Variants in FBXL17 observed in about 807,000 individuals in gnomAD.
FBXL17 encodes F-box/LRR-repeat protein 17.
In FBXL17, 22 loss-of-function variants were observed where a neutral mutation model predicts 66.2. That is an observed-to-expected ratio of 0.33 (90% CI 0.24 to 0.47). FBXL17 has a LOEUF of 0.47. Among genes scored for constraint, FBXL17 ranks in the 20% least tolerant of loss-of-function variants. The pLI, the probability that FBXL17 is intolerant of heterozygous loss-of-function variation, is 1.00. For missense variants in FBXL17, 878 were observed against 948.2 expected, an observed-to-expected ratio of 0.93 and a Z score of 0.97; for synonymous variants, 474 against 400.5, an observed-to-expected ratio of 1.18 and a Z score of -2.19.
chr5:108,337,537 A>G (rs2150250522), intron 4 of FBXL17, among the ~76,000 whole-genome samples: 1 of 152,242 alleles, frequency 6.6e-6, no homozygotes, highest in Non-Finnish European at 1.5e-5. Context: ...TTATCAATGG[A>G]TTAGTAAGAA....
intron 7 of FBXL17, among the ~76,000 whole-genome samples, chr5:108,002,467 C>A (rs936244737): frequency 6.6e-6 from 1 of 152,148 alleles, no homozygotes; most frequent in South Asian, 2.1e-4. Flanking sequence ...AAATACATAA[C>A]CGACTTAGTA....
At chr5:108,279,316 C>T (rs1757611419) in intron 4 of FBXL17, among the ~76,000 whole-genome samples, 1 of 152,094 alleles carries the variant, frequency 6.6e-6, no homozygotes, top group Non-Finnish European at 1.5e-5. Flanking sequence ...CTTAGTCCAC[C>T]ACCATCACCA....
At chr5:108,199,460 A>G (rs1027970104) in intron 5 of FBXL17, among the ~76,000 whole-genome samples, 2 of 152,162 alleles carry the variant, frequency 1.3e-5, no homozygotes, top group Non-Finnish European at 2.9e-5. Flanking sequence ...ATGTGTGAAA[A>G]TGATCTTTCT....
intron 8 of FBXL17, among the ~76,000 whole-genome samples, chr5:107,871,078 A>AAC (rs887425470): frequency 3.4e-5 from 5 of 146,896 alleles, no homozygotes; most frequent in Non-Finnish European, 6.0e-5. Flanking sequence ...AAAAAAAAAA[A>AAC]ACCTCATCTA....
At chr5:108,373,597 T>C (rs1055052853) in intron 1 of FBXL17, among the ~76,000 whole-genome samples, 1 of 151,984 alleles carries the variant, frequency 6.6e-6, no homozygotes, top group Non-Finnish European at 1.5e-5. Context: ...TAAATGTAAA[T>C]GGGCTAAACT....
chr5:108,188,016 G>A (rs940075498), intron 5 of FBXL17, among the ~76,000 whole-genome samples: 1 of 152,164 alleles, frequency 6.6e-6, no homozygotes, highest in African/African-American at 2.4e-5. Context: ...TGTGACAGGG[G>A]ACCTGAACTT....
At position 108,324,366 on chromosome 5, in the gene FBXL17, C is replaced by A. The variant is rs74471490; in HGVS notation, c.1506+24033G>T. ...ATCATTAGGGAGATGCAAATCAAAACAAAGAAATATAACCTCACATCCATT... is the reference window on the plus strand; with the variant it reads ...ATCATTAGGGAGATGCAAATCAAAAAAAAGAAATATAACCTCACATCCATT... On this transcript the variant is annotated intron_variant, in intron 4 of 8. Transcript: ENST00000542267. 6.1e-3 allele frequency among the ~76,000 whole-genome samples: 925 copies of A among 151,968 alleles called. 2 individuals carry two copies. The highest frequency in any genetic ancestry group is 9.9e-3 in the Non-Finnish European group (675 of 67,892).
chr5:108,352,415 C>G (rs1044369625), intron 3 of FBXL17, among the ~76,000 whole-genome samples: 15 of 152,214 alleles, frequency 9.9e-5, no homozygotes, highest in African/African-American at 3.1e-4. Flanking sequence ...AGGGCATCAA[C>G]CAAATCTTAC....
chr5:107,868,433 G>C (rs1014231129), intron 8 of FBXL17, among the ~76,000 whole-genome samples: 2 of 152,234 alleles, frequency 1.3e-5, no homozygotes, highest in African/African-American at 4.8e-5. Flanking sequence ...CTGTTGTGGA[G>C]CTGTGGGTTG....
intron 6 of FBXL17, among the ~76,000 whole-genome samples, chr5:108,056,736 T>C (rs1747723565): frequency 1.3e-5 from 2 of 152,178 alleles, no homozygotes; most frequent in Non-Finnish European, 2.9e-5. Flanking sequence ...GGAATAAAAA[T>C]AGACACCTAG....
At chr5:108,252,312 AGTGT>A (rs1756392235) in intron 4 of FBXL17, among the ~76,000 whole-genome samples, 1 of 152,098 alleles carries the variant, frequency 6.6e-6, no homozygotes, top group Non-Finnish European at 1.5e-5. Context: ...AACTGGCTTA[AGTGT>A]ATTCAGAGCA....
At chr5:108,240,965 C>T (rs955451042) in intron 4 of FBXL17, among the ~76,000 whole-genome samples, 3 of 152,300 alleles carry the variant, frequency 2.0e-5, no homozygotes, top group Admixed American at 2.0e-4. Flanking sequence ...TTATCCAAGA[C>T]CACCAAGCCG....
chr5:108,168,933 T>C (rs1752507958), intron 6 of FBXL17, among the ~76,000 whole-genome samples: 1 of 151,854 alleles, frequency 6.6e-6, no homozygotes, highest in Non-Finnish European at 1.5e-5. Flanking sequence ...GAATCAGGAG[T>C]AAAATATATG....
At chr5:107,956,424 T>C (rs1320053861) in intron 7 of FBXL17, among the ~76,000 whole-genome samples, 1 of 152,162 alleles carries the variant, frequency 6.6e-6, no homozygotes, top group South Asian at 2.1e-4. Context: ...GCTGGTAACA[T>C]GGAGCTTGCT....
intron 6 of FBXL17, among the ~76,000 whole-genome samples, chr5:108,126,191 T>C (rs919182042): frequency 3.3e-5 from 5 of 151,934 alleles, no homozygotes; most frequent in African/African-American, 9.7e-5. Flanking sequence ...GAGCATAATT[T>C]AGCCTCTAAT....
chr5:108,372,056 G>A (rs758940860), intron 1 of FBXL17, among the ~76,000 whole-genome samples: 5 of 152,098 alleles, frequency 3.3e-5, no homozygotes, highest in Admixed American at 6.5e-5. Flanking sequence ...AGTCTACCTC[G>A]CTGTAAGCCT....
rs114290994 is a variant in FBXL17 at position 107,967,022 on chromosome 5, A to G, written c.1822+53903T>C. On this transcript the variant is annotated intron_variant, in intron 7 of 8. Transcript: ENST00000542267. ...GGACAACTCTTGCCTGGAATGATTA[A>G]GTAACTTGATCTGGCTATCAATGTG... Among the ~76,000 whole-genome samples, 1,122 of 152,242 alleles carry G rather than the reference A, an allele frequency of 7.4e-3. 13 individuals carry two copies. The highest frequency in any genetic ancestry group is 0.026 in the African/African-American group (1,078 of 41,572).
chr5:108,201,115 A>G (rs889083456), intron 5 of FBXL17, among the ~76,000 whole-genome samples: 3 of 152,220 alleles, frequency 2.0e-5, no homozygotes, highest in African/African-American at 7.2e-5. Flanking sequence ...TGAATTCCCT[A>G]TATTTAAAGA....
At chr5:108,358,369 GTTT>G (rs1049595068) in intron 3 of FBXL17, among the ~76,000 whole-genome samples, 2 of 152,022 alleles carry the variant, frequency 1.3e-5, no homozygotes, top group African/African-American at 4.8e-5. Flanking sequence ...AGTTTGATAG[GTTT>G]TTGTTTTGCT....
Sources: allele counts gnomAD v4.1 joint callset (sites outside exome capture counted in the v4.1 genomes callset), GRCh38; gene constraint gnomAD v4.1.1; transcripts MANE v1.5; gene names NCBI Gene and HGNC (gene_info 2026-07-23, HGNC 2026-07-21).